CAMK4: variants seen among roughly 807,000 people sequenced by gnomAD.
The protein encoded by CAMK4 is calcium/calmodulin-dependent protein kinase type IV.
A neutral mutation model predicts 44.9 loss-of-function variants in CAMK4; 22 were observed. The observed-to-expected ratio is 0.49, with a 90% CI of 0.35 to 0.70. The LOEUF (loss-of-function observed/expected upper bound fraction) is 0.70. Among genes scored for constraint, CAMK4 ranks in the 30% least tolerant of loss-of-function variants. The probability of loss-of-function intolerance (pLI) is 0.01; values close to 1 mark genes in which losing one functional copy is unlikely to be tolerated. For synonymous variants in CAMK4, 218 were observed against 215.4 expected (o/e 1.01, Z -0.11); for missense variants, 498 against 586.8 (o/e 0.85, Z 1.56).
At chr5:111,469,106 T>C (rs1487992774) in intron 7 of CAMK4, among the ~76,000 whole-genome samples, 3 of 128,478 alleles carry the variant, frequency 2.3e-5, no homozygotes, top group Non-Finnish European at 4.6e-5. Context: ...ATCGTGCCAT[T>C]GGGCTCTAGT....
At chr5:111,265,412 C>T (rs973413618) in intron 1 of CAMK4, among the ~76,000 whole-genome samples, 2 of 152,110 alleles carry the variant, frequency 1.3e-5, no homozygotes, top group Non-Finnish European at 2.9e-5. Flanking sequence ...TTAAATTTAA[C>T]TTTTGTCTGA....
In CAMK4 at chr5:111,224,423, G is replaced by T; in HGVS notation, c.-61G>T. On this transcript the variant is annotated 5_prime_UTR_variant, in exon 1 of 11. Transcript: ENST00000282356. This position sits in a 1 kb window ranked among gnomAD's most constrained non-coding sequence, Gnocchi z 5.7. The stretch of plus-strand genomic sequence containing the variant: ...CGTTCGCAGGCGGCGGCTGGCGGCC[G>T]GCTTCTCGCTCGGGCAGCGGCGGCG... The T allele has an allele frequency of 2.7e-6, 4 of 1,507,150 alleles. No individual in the cohort carries two copies. Among genetic ancestry groups the T allele is most frequent in the East Asian group, 5.5e-5 (2 of 36,360 alleles). 93.4% of individuals were successfully genotyped at this position (1,507,150 alleles called of 1,614,324 possible).
chr5:111,345,390 TAATTTA>T (rs981806914), intron 2 of CAMK4, among the ~76,000 whole-genome samples: 9 of 152,068 alleles, frequency 5.9e-5, no homozygotes, highest in African/African-American at 2.2e-4. Flanking sequence ...AATTTTCCCT[TAATTTA>T]GTTTCTTACA....
chr5:111,341,992 CT>C (rs1482484470), intron 1 of CAMK4, among the ~76,000 whole-genome samples: 2 of 151,462 alleles, frequency 1.3e-5, no homozygotes, highest in African/African-American at 4.8e-5. Context: ...GTATTCATGT[CT>C]ATTCTTTCTT....
intron 1 of CAMK4, among the ~76,000 whole-genome samples, chr5:111,233,717 G>C (rs1194389980): frequency 6.6e-6 from 1 of 152,258 alleles, no homozygotes; most frequent in Middle Eastern, 3.4e-3. Flanking sequence ...AGTATTAGCT[G>C]TGTGTTGAAT....
At chr5:111,387,294 T>C (rs951811138) in intron 4 of CAMK4, among the ~76,000 whole-genome samples, 4 of 152,186 alleles carry the variant, frequency 2.6e-5, no homozygotes, top group African/African-American at 7.2e-5. Flanking sequence ...ACCTTGAGTC[T>C]CTACCCATGG....
intron 5 of CAMK4, among the ~76,000 whole-genome samples, chr5:111,434,800 G>C (rs1753589457): frequency 6.6e-6 from 1 of 152,162 alleles, no homozygotes; most frequent in African/African-American, 2.4e-5. Context: ...GAGTAGAAAA[G>C]AGTAAATTCA....
In CAMK4 at chr5:111,383,608, C is replaced by A. The variant is rs187239009; in HGVS notation, c.386+6666C>A. Among the ~76,000 whole-genome samples the A allele has an allele frequency of 1.9e-3, 285 of 148,174 alleles. 4 individuals carry two copies. Among genetic ancestry groups the A allele is most frequent in the Non-Finnish European group, 3.6e-4 (24 of 67,484 alleles). Reference sequence around the variant, plus strand: ...CCTACACCTGGAATTAGATGTGTTACAAGAGGGGAGATAATTTTTTTTTTT... The same window carrying A: ...CCTACACCTGGAATTAGATGTGTTAAAAGAGGGGAGATAATTTTTTTTTTT... On this transcript the variant is annotated intron_variant, in intron 4 of 10. Coordinates refer to ENST00000282356, the MANE Select transcript of CAMK4 (RefSeq NM_001744.6).
chr5:111,473,619 T>C (rs1468233351), intron 8 of CAMK4, among the ~76,000 whole-genome samples: 1 of 152,234 alleles, frequency 6.6e-6, no homozygotes, highest in East Asian at 1.9e-4. Flanking sequence ...CTATATCCAC[T>C]ATGTAATATA....
At chr5:111,261,533 C>T (rs1749975294) in intron 1 of CAMK4, among the ~76,000 whole-genome samples, 2 of 151,486 alleles carry the variant, frequency 1.3e-5, no homozygotes, top group Admixed American at 6.6e-5. Flanking sequence ...CCTCAATATC[C>T]TTATAGTTTC....
intron 5 of CAMK4, among the ~76,000 whole-genome samples, chr5:111,407,752 C>T (rs1044086989): frequency 6.6e-6 from 1 of 152,118 alleles, no homozygotes; most frequent in East Asian, 1.9e-4. Context: ...CCTCAGAGGA[C>T]AGTGTTTTCT....
chr5:111,331,145 A>G (rs572423078), intron 1 of CAMK4, among the ~76,000 whole-genome samples: 1 of 151,708 alleles, frequency 6.6e-6, no homozygotes, highest in Non-Finnish European at 1.5e-5. Context: ...TGATTATCAA[A>G]AGACACCATT....
intron 5 of CAMK4, among the ~76,000 whole-genome samples, chr5:111,422,941 T>A (rs1753084386): frequency 6.6e-6 from 1 of 152,148 alleles, no homozygotes; most frequent in Admixed American, 6.5e-5. Context: ...GATGATTTAT[T>A]CATCTCTATC....
At chr5:111,300,812 A>G (rs927585196) in intron 1 of CAMK4, among the ~76,000 whole-genome samples, 11 of 152,230 alleles carry the variant, frequency 7.2e-5, no homozygotes, top group African/African-American at 2.4e-4. Context: ...TTTTAACATA[A>G]GAATTCTCCT....
chr5:111,359,370 GAA>G lies in CAMK4; in HGVS notation c.240+15271_240+15272del, dbSNP rs1750507636. Among the ~76,000 whole-genome samples the G allele has an allele frequency of 5.9e-5, 2 of 33,980 alleles. 1 individual carries two copies. Among genetic ancestry groups the G allele is most frequent in the African/African-American group, 1.4e-4 (2 of 14,702 alleles). The allele number at this position is 33,980 out of a possible 152,430, so 22.3% of individuals were successfully genotyped here. A position where few individuals can be genotyped will look rare whatever the true frequency, so the allele number is the denominator to read the frequency against. ...GTTGGCCACAGGTATGTCTTCTTTTGAAAAGTGTCTGTTCATGTCCTTTGCCC... is the reference window on the plus strand; with the variant it reads ...GTTGGCCACAGGTATGTCTTCTTTTGAAGTGTCTGTTCATGTCCTTTGCCC... On this transcript the variant is annotated intron_variant, in intron 2 of 10. Transcript: ENST00000282356.
intron 5 of CAMK4, among the ~76,000 whole-genome samples, chr5:111,400,950 C>T (rs1249652716): frequency 6.6e-6 from 1 of 152,134 alleles, no homozygotes; most frequent in African/African-American, 2.4e-5. Flanking sequence ...TCTTTGTCAC[C>T]ACTGACAGCT....
intron 1 of CAMK4, among the ~76,000 whole-genome samples, chr5:111,242,280 C>T (rs1348085516): frequency 6.6e-6 from 1 of 152,110 alleles, no homozygotes; most frequent in Non-Finnish European, 1.5e-5. Context: ...CTTATCCTTT[C>T]TGAGTCTTTG....
At chr5:111,257,922 C>T (rs980403957) in intron 1 of CAMK4, among the ~76,000 whole-genome samples, 5 of 152,210 alleles carry the variant, frequency 3.3e-5, no homozygotes, top group Admixed American at 3.3e-4. Context: ...TGCACGTTCT[C>T]ACTCATGTGG....
chr5:111,242,701 C>A (rs982817693), intron 1 of CAMK4, among the ~76,000 whole-genome samples: 1 of 152,134 alleles, frequency 6.6e-6, no homozygotes, highest in East Asian at 1.9e-4. Context: ...TGCCGTCTTA[C>A]GCCCACCACT....
Sources: gnomAD v4.1 joint callset for allele counts (sites outside exome capture counted in the v4.1 genomes callset) on GRCh38, gnomAD v4.1.1 for gene constraint, Gnocchi (gnomAD v3.1) non-coding constraint, MANE v1.5 for transcripts, NCBI Gene and HGNC (gene_info 2026-07-23, HGNC 2026-07-21) for gene names.